PCDHGC3: variants seen among roughly 807,000 people sequenced by gnomAD.
PCDHGC3 encodes the protein protocadherin gamma-C3.
In PCDHGC3, 26 loss-of-function variants were observed where a neutral mutation model predicts 59.2. The observed-to-expected ratio is 0.44, with a 90% confidence interval of 0.32 to 0.61. The LOEUF (loss-of-function observed/expected upper bound fraction) is 0.61. Ranked by LOEUF, PCDHGC3 falls within the 20% of genes least tolerant of loss-of-function variation. The probability of loss-of-function intolerance (pLI) is 0.05; values close to 1 mark genes in which losing one functional copy is unlikely to be tolerated. For missense variants in PCDHGC3, 1,080 were observed against 1,221.8 expected (o/e 0.88, Z 1.73); for synonymous variants, 487 against 519.7 (o/e 0.94, Z 0.86).
chr5:141,485,106 T>C lies in PCDHGC3; in HGVS notation c.2430+6560T>C, dbSNP rs2099607051. The C allele has an allele frequency of 3.3e-6, 4 of 1,206,448 alleles. No homozygotes were observed. Among genetic ancestry groups the C allele is most frequent in the Non-Finnish European group, 4.8e-6 (4 of 828,284 alleles). 74.7% of individuals were successfully genotyped at this position (1,206,448 alleles called of 1,614,324 possible). ...GGGAGATAGGTGTCTCCAGCTGCTGTGGCTGTTTGGGGCGGGTCGGCTTCA... is the reference window on the plus strand; with the variant it reads ...GGGAGATAGGTGTCTCCAGCTGCTGCGGCTGTTTGGGGCGGGTCGGCTTCA... On this transcript the variant is annotated intron_variant, in intron 1 of 3. Coordinates refer to ENST00000308177, the MANE Select transcript of PCDHGC3 (RefSeq NM_002588.4). This position sits in a 1 kb window ranked among gnomAD's most constrained non-coding sequence, Gnocchi z 5.7.
chr5:141,508,919 C>T (rs1166086266), intron 3 of PCDHGC3, among the ~76,000 whole-genome samples: 1 of 151,996 alleles, frequency 6.6e-6, no homozygotes, highest in Non-Finnish European at 1.5e-5. Context: ...GATCTGGCTT[C>T]CTTTTGGAGT....
chr5:141,503,440 C>A (rs1185892958), intron 2 of PCDHGC3, among the ~76,000 whole-genome samples: 2 of 151,694 alleles, frequency 1.3e-5, no homozygotes, highest in African/African-American at 4.8e-5. Context: ...ACTAAAAATA[C>A]AAAAATTCGC....
In PCDHGC3 at chr5:141,491,907, G is replaced by A; in HGVS notation, c.2431-2900G>A. 5 of 1,408,726 alleles carry A rather than the reference G, an allele frequency of 3.5e-6. No homozygotes were observed. In the South Asian group the frequency reaches 7.5e-5, roughly 21 times the overall value. The allele number at this position is 1,408,726 out of a possible 1,614,324, so 87.3% of individuals were successfully genotyped here. A position where few individuals can be genotyped will look rare whatever the true frequency, so the allele number is the denominator to read the frequency against. ...TGGGGCTCCGAGCACCGGGGGTGGTGGCGACTGTGGGCGAGGGGAGGTGGG... is the reference window on the plus strand; with the variant it reads ...TGGGGCTCCGAGCACCGGGGGTGGTAGCGACTGTGGGCGAGGGGAGGTGGG... On this transcript the variant is annotated intron_variant, in intron 1 of 3. Coordinates refer to ENST00000308177, the MANE Select transcript of PCDHGC3 (RefSeq NM_002588.4). This position sits in a 1 kb window ranked among gnomAD's most constrained non-coding sequence, Gnocchi z 6.9.
chr5:141,476,346 T>G lies in PCDHGC3; in HGVS notation c.230T>G (p.Phe77Cys), dbSNP rs1239836597. Residue 77 changes from phenylalanine to cysteine, a missense_variant, in exon 1 of 4, where the codon TTT becomes TGT. Phe to Cys is a radical substitution (Grantham distance 205). Coordinates refer to ENST00000308177, the MANE Select transcript of PCDHGC3 (RefSeq NM_002588.4). The surrounding 1 kb of genome is among the most constrained non-coding windows in gnomAD (Gnocchi z 7.6). The part of the protein sequence containing the change: ...RVVSGASRRF[F>C]EVNRETGEMF... The stretch of plus-strand genomic sequence containing the variant: ...GTGTCTGGAGCTAGCCGAAGATTCT[T>G]TGAGGTGAACCGGGAGACCGGAGAG... 2.5e-6 allele frequency: 4 copies of G among 1,613,932 alleles called. No individual in the cohort carries two copies. Among genetic ancestry groups the G allele is most frequent in the Non-Finnish European group, 3.4e-6 (4 of 1,180,022 alleles).
rs1345498022 is a variant in PCDHGC3 at position 141,493,312 on chromosome 5, A to G, written c.2431-1495A>G. On this transcript the variant is annotated intron_variant, in intron 1 of 3. Coordinates refer to ENST00000308177, the MANE Select transcript of PCDHGC3 (RefSeq NM_002588.4). This position sits in a 1 kb window ranked among gnomAD's most constrained non-coding sequence, Gnocchi z 4.3. ...CTCAAGTTCACAGAGCAAGTAAGAG[A>G]GATTCTAACCCCTGTCTAACTCCAG... 6.6e-6 allele frequency among the ~76,000 whole-genome samples: 1 copy of G among 152,174 alleles called. No individual in the cohort carries two copies. Among genetic ancestry groups the G allele is most frequent in the Non-Finnish European group, 1.5e-5 (1 of 68,028 alleles).
intron 1 of PCDHGC3, 37 bp downstream of exon 1, chr5:141,478,583 C>G: frequency 6.3e-7 from 1 of 1,578,146 alleles, no homozygotes; most frequent in Non-Finnish European, 8.6e-7. Context: ...CCTGTTAGTG[C>G]TTTTTTATTC....
rs2099399818 is a variant in PCDHGC3, at chr5:141,476,845, C to G, written c.729C>G (p.Val243=). 6.2e-7 allele frequency: 1 copy of G among 1,613,794 alleles called. No individual in the cohort carries two copies. Among genetic ancestry groups the G allele is most frequent in the African/African-American group, 1.3e-5 (1 of 75,078 alleles). ...KVLDANDNAP[V]FNQSLYRARV... ...TGGACGCGAATGACAATGCGCCTGTCTTCAACCAGTCCTTGTACCGGGCGC... is the reference window on the plus strand; with the variant it reads ...TGGACGCGAATGACAATGCGCCTGTGTTCAACCAGTCCTTGTACCGGGCGC... Residue 243 remains valine, a synonymous_variant, in exon 1 of 4, where the codon GTC becomes GTG. Transcript: ENST00000308177. This position sits in a 1 kb window ranked among gnomAD's most constrained non-coding sequence, Gnocchi z 7.6.
At position 141,478,531 on chromosome 5, in the gene PCDHGC3, C is replaced by T. The variant is rs771145308; in HGVS notation, c.2415C>T (p.Ser805=). ...ATAGGCAGGTGTTGGGTGCAGAGAG[C>T]GCCCCTCCCGGACAGGTAAGGTTTA... The part of the protein sequence containing the change: ...VFYRQVLGAE[S]APPGQQAPPN... Residue 805 remains serine, a synonymous_variant, in exon 1 of 4, where the codon AGC becomes AGT. Transcript: ENST00000308177. 1.9e-6 allele frequency: 3 copies of T among 1,608,190 alleles called. No individual in the cohort carries two copies. Among genetic ancestry groups the T allele is most frequent in the Non-Finnish European group, 2.5e-6 (3 of 1,177,136 alleles).
At chr5:141,481,813 G>A (rs185558948) in intron 1 of PCDHGC3, among the ~76,000 whole-genome samples, 15 of 151,942 alleles carry the variant, frequency 9.9e-5, no homozygotes, top group East Asian at 7.8e-4. Context: ...TTCACCAGGC[G>A]TGGTGGCTGA....
At chr5:141,498,346 C>T (rs780832000) in intron 2 of PCDHGC3, among the ~76,000 whole-genome samples, 1 of 150,796 alleles carries the variant, frequency 6.6e-6, no homozygotes, top group Non-Finnish European at 1.5e-5. Context: ...ATGGGAAAAG[C>T]CTATGCAAAA....
chr5:141,481,362 A>G (rs2099536613), intron 1 of PCDHGC3, among the ~76,000 whole-genome samples: 1 of 152,252 alleles, frequency 6.6e-6, no homozygotes, highest in African/African-American at 2.4e-5. Context: ...CAGCTGTTCA[A>G]TAGATATTGG....
Position 141,486,914 on chromosome 5 carries a change from C to T in PCDHGC3, c.2431-7893C>T, listed in dbSNP as rs1469857080. On this transcript the variant is annotated intron_variant, in intron 1 of 3. Coordinates refer to ENST00000308177, the MANE Select transcript of PCDHGC3 (RefSeq NM_002588.4). This position sits in a 1 kb window ranked among gnomAD's most constrained non-coding sequence, Gnocchi z 5.0. ...TGGTTCCTTATGTCCCCAAGCACTG[C>T]CTCCATCAGTTGGTGCTGGCCACCT... The T allele has an allele frequency of 6.2e-7, 1 of 1,614,236 alleles. No individual in the cohort carries two copies.
At position 141,486,190 on chromosome 5, in the gene PCDHGC3, T is replaced by A; in HGVS notation, c.2430+7644T>A. Reference sequence around the variant, plus strand: ...AGCAACATTGCAGCCTTCGAGTGGATCTGCTGGACGTAAATGACAATGCCC... The same window carrying A: ...AGCAACATTGCAGCCTTCGAGTGGAACTGCTGGACGTAAATGACAATGCCC... On this transcript the variant is annotated intron_variant, in intron 1 of 3. Transcript: ENST00000308177. The surrounding 1 kb of genome is among the most constrained non-coding windows in gnomAD (Gnocchi z 5.0). 1 of 1,614,122 alleles carries A rather than the reference T, an allele frequency of 6.2e-7. No individual in the cohort carries two copies. Among genetic ancestry groups the A allele is most frequent in the South Asian group, 1.1e-5 (1 of 91,070 alleles).
Position 141,486,558 on chromosome 5 carries a change from T to C in PCDHGC3, c.2430+8012T>C, listed in dbSNP as rs544575797. 1 of 1,614,034 alleles carries C rather than the reference T, an allele frequency of 6.2e-7. No homozygotes were observed. Among genetic ancestry groups the C allele is most frequent in the Non-Finnish European group, 8.5e-7 (1 of 1,180,012 alleles). ...TCTTTCTTTCAGAGGTCACATGAGG[T>C]GTTTGTTCCTGAGAACAATCGCCCA... On this transcript the variant is annotated intron_variant, in intron 1 of 3. Coordinates refer to ENST00000308177, the MANE Select transcript of PCDHGC3 (RefSeq NM_002588.4). This position sits in a 1 kb window ranked among gnomAD's most constrained non-coding sequence, Gnocchi z 5.0.
intron 2 of PCDHGC3, among the ~76,000 whole-genome samples, chr5:141,496,827 C>A (rs1595415247): frequency 6.6e-6 from 1 of 151,780 alleles, no homozygotes; most frequent in East Asian, 1.9e-4. Context: ...TAGATGTGAT[C>A]CCAGAACTCA....
intron 1 of PCDHGC3, among the ~76,000 whole-genome samples, chr5:141,480,976 T>G (rs1485868136): frequency 6.6e-6 from 1 of 152,108 alleles, no homozygotes; most frequent in Non-Finnish European, 1.5e-5. Context: ...GGAGAATCAG[T>G]GAACCCAGGA....
chr5:141,490,561 A>G lies in PCDHGC3; in HGVS notation c.2431-4246A>G. On this transcript the variant is annotated intron_variant, in intron 1 of 3. Coordinates refer to ENST00000308177, the MANE Select transcript of PCDHGC3 (RefSeq NM_002588.4). This position sits in a 1 kb window ranked among gnomAD's most constrained non-coding sequence, Gnocchi z 5.4. Reference sequence around the variant, plus strand: ...TTCCCTACACAAACATCTCACCATCAGGCTCAACATTTCAGATGTCAATGA... The same window carrying G: ...TTCCCTACACAAACATCTCACCATCGGGCTCAACATTTCAGATGTCAATGA... 6.2e-7 allele frequency: 1 copy of G among 1,614,090 alleles called. No individual in the cohort carries two copies. The highest frequency in any genetic ancestry group is 8.5e-7 in the Non-Finnish European group (1 of 1,180,004).
Position 141,511,348 on chromosome 5 carries a change from C to T in PCDHGC3, c.*175C>T. Reference sequence around the variant, plus strand: ...TGCCCAGTCAGCACCTACCCCTTCCCCCCCAGGGGGTTGAATATGCAAAAG... The same window carrying T: ...TGCCCAGTCAGCACCTACCCCTTCCTCCCCAGGGGGTTGAATATGCAAAAG... On this transcript the variant is annotated 3_prime_UTR_variant, in exon 4 of 4. Transcript: ENST00000308177. The T allele has an allele frequency of 7.1e-7, 1 of 1,404,104 alleles. No homozygotes were observed. The highest frequency in any genetic ancestry group is 9.5e-7 in the Non-Finnish European group (1 of 1,056,554). 87.0% of individuals were successfully genotyped at this position (1,404,104 alleles called of 1,614,324 possible). A position where few individuals can be genotyped will look rare whatever the true frequency, so the allele number is the denominator to read the frequency against.
chr5:141,478,116 C>T lies in PCDHGC3; in HGVS notation c.2000C>T (p.Thr667Ile), dbSNP rs145816520. ...ACTGCTACCCTCACTGTGTCAGTAACCGAGGACTCTCCTGAAGCCCGAGCC... is the reference window on the plus strand; with the variant it reads ...ACTGCTACCCTCACTGTGTCAGTAATCGAGGACTCTCCTGAAGCCCGAGCC... The part of the protein sequence containing the change: ...STTATLTVSV[T>I]EDSPEARAEF... Residue 667 changes from threonine to isoleucine, a missense_variant, in exon 1 of 4, where the codon ACC becomes ATC. By Grantham distance (89) the Thr-to-Ile change is moderately conservative. Coordinates refer to ENST00000308177, the MANE Select transcript of PCDHGC3 (RefSeq NM_002588.4). 1 of 1,613,974 alleles carries T rather than the reference C, an allele frequency of 6.2e-7. No individual in the cohort carries two copies. The highest frequency in any genetic ancestry group is 8.5e-7 in the Non-Finnish European group (1 of 1,180,040).
Sources: gnomAD v4.1 joint callset for allele counts (sites outside exome capture counted in the v4.1 genomes callset) on GRCh38, gnomAD v4.1.1 for gene constraint, Gnocchi (gnomAD v3.1) non-coding constraint, MANE v1.5 for transcripts, NCBI Gene and HGNC (gene_info 2026-07-23, HGNC 2026-07-21) for gene names.